DCP1B: variants seen among roughly 807,000 people sequenced by gnomAD.
DCP1B encodes decapping mRNA 1B, also known as mRNA-decapping enzyme 1B.
DCP1B carries 47 observed loss-of-function variants against 60.5 expected under a neutral mutation model. The ratio of observed to expected loss-of-function variants is 0.78; its 90% CI spans 0.61 to 0.99. The LOEUF (loss-of-function observed/expected upper bound fraction) is 0.99, where lower values mean the gene tolerates loss of function less well. Ranked by LOEUF, DCP1B falls within the 50% of genes least tolerant of loss-of-function variation. The pLI, the probability that DCP1B is intolerant of heterozygous loss-of-function variation, is 0.00. For missense variants in DCP1B, 725 were observed against 756.8 expected, an observed-to-expected ratio of 0.96 and a Z score of 0.49; for synonymous variants, 267 against 280.3, an observed-to-expected ratio of 0.95 and a Z score of 0.47.
intron 2 of DCP1B, 134 bp downstream of exon 2, chr12:1,997,801 T>C (rs2041293099): frequency 1.3e-6 from 1 of 753,830 alleles, no homozygotes; most frequent in African/African-American, 1.8e-5. Flanking sequence ...TGTCAACTAA[T>C]AATTTCAAAA....
At position 1,952,858 on chromosome 12, in the gene DCP1B, C is replaced by T; in HGVS notation, c.1082G>A (p.Ser361Asn). ...ACACTTGTTTGCTGCCCCTGGGGTA[C>T]TCTGAAGTTTCTCGAACAGGTTCTG... ...RTQNLFEKLQ[S>N]TPGAANKCDP... is the part of the protein sequence containing the mutation. Residue 361 changes from serine to asparagine, a missense_variant, in exon 7 of 9, where the codon AGT becomes AAT. Ser to Asn is a conservative substitution (Grantham distance 46, BLOSUM62 1). Transcript: ENST00000280665. 1 of 1,614,184 alleles carries T rather than the reference C, an allele frequency of 6.2e-7. No individual in the cohort carries two copies. Among genetic ancestry groups the T allele is most frequent in the Non-Finnish European group, 8.5e-7 (1 of 1,180,034 alleles).
chr12:1,965,988 T>TA (rs2031281534), intron 4 of DCP1B: 1 of 286,798 alleles, frequency 3.5e-6, no homozygotes, highest in South Asian at 6.2e-5. Flanking sequence ...CTCCTTTGTT[T>TA]ACATGTTGTT....
intron 3 of DCP1B, among the ~76,000 whole-genome samples, chr12:1,969,647 T>C (rs2031738053): frequency 6.6e-6 from 1 of 151,448 alleles, no homozygotes; most frequent in Non-Finnish European, 1.5e-5. Context: ...GATCATTGAA[T>C]GTGTATCTTG....
rs887635540 is a variant in DCP1B, at chr12:1,962,899, C to T, written c.522+2659G>A. The stretch of plus-strand genomic sequence containing the variant: ...GTACTCAAGAAGCTCACAGTCAAGG[C>T]AAAGCATGTTAAAGAAACTTGTCTA... On this transcript the variant is annotated intron_variant, in intron 5 of 8. Coordinates refer to ENST00000280665, the MANE Select transcript of DCP1B (RefSeq NM_152640.5). This position sits in a 1 kb window ranked among gnomAD's most constrained non-coding sequence, Gnocchi z 4.4. Among the ~76,000 whole-genome samples the T allele has an allele frequency of 2.6e-5, 4 of 152,184 alleles. No homozygotes were observed. Among genetic ancestry groups the T allele is most frequent in the Non-Finnish European group, 5.9e-5 (4 of 68,034 alleles).
chr12:1,977,847 C>T (rs576260709), intron 3 of DCP1B, among the ~76,000 whole-genome samples: 3 of 152,234 alleles, frequency 2.0e-5, no homozygotes, highest in Admixed American at 2.0e-4. Context: ...TGGGTATATA[C>T]AGGTACACTT....
intron 4 of DCP1B, among the ~76,000 whole-genome samples, chr12:1,967,595 A>T (rs148666085): frequency 4.6e-5 from 7 of 152,378 alleles, no homozygotes; most frequent in Admixed American, 3.9e-4. Flanking sequence ...CATCTGGAAC[A>T]ATTCATATAT....
rs12366352 is a variant in DCP1B at position 1,968,227 on chromosome 12, C to T, written c.320-317G>A. Among the ~76,000 whole-genome samples, 1,407 of 152,028 alleles carry T rather than the reference C, an allele frequency of 9.3e-3. 14 individuals carry two copies. The highest frequency in any genetic ancestry group is 0.014 in the Non-Finnish European group (924 of 67,978). ...ATTAGCCAGGCCTGGTGGCGGGCGT[C>T]CATAATCCCAGCTACTCGGGATGCA... On this transcript the variant is annotated intron_variant, in intron 3 of 8. Transcript: ENST00000280665.
In DCP1B at chr12:1,962,379, G is replaced by A. The variant is rs1255223593; in HGVS notation, c.522+3179C>T. 6.6e-6 allele frequency among the ~76,000 whole-genome samples: 1 copy of A among 152,120 alleles called. No homozygotes were observed. The highest frequency in any genetic ancestry group is 2.4e-5 in the African/African-American group (1 of 41,402). ...CCCCAGCCAGAAAGGATTTTAAGAT[G>A]TCAAAACATTATAACATATAGAAGA... On this transcript the variant is annotated intron_variant, in intron 5 of 8. Transcript: ENST00000280665. The surrounding 1 kb of genome is among the most constrained non-coding windows in gnomAD (Gnocchi z 4.4).
At chr12:1,997,299 C>T (rs757147699) in intron 2 of DCP1B, among the ~76,000 whole-genome samples, 11 of 152,110 alleles carry the variant, frequency 7.2e-5, no homozygotes, top group Non-Finnish European at 1.3e-4. Context: ...GAGGCCAAGG[C>T]GGGTGGATCA....
rs555679240 is a variant in DCP1B, at chr12:1,954,807, A to G, written c.651+625T>C. 4.1e-4 allele frequency among the ~76,000 whole-genome samples: 62 copies of G among 152,230 alleles called. 1 individual carries two copies. Among genetic ancestry groups the G allele is most frequent in the South Asian group, 1.5e-3 (7 of 4,818 alleles). On this transcript the variant is annotated intron_variant, in intron 6 of 8. Coordinates refer to ENST00000280665, the MANE Select transcript of DCP1B (RefSeq NM_152640.5). ...CCCACCCCAGAAGAATATGGACCCA[A>G]TGGGTAATGTTTCTGTCATCTCTGA...
chr12:1,992,858 C>T (rs544017654), intron 3 of DCP1B: 77 of 406,500 alleles, frequency 1.9e-4, no homozygotes, highest in Middle Eastern at 6.6e-4. Context: ...TCAGCTCACT[C>T]GGCCAAAAGT....
chr12:1,949,196 C>A lies in DCP1B; in HGVS notation c.1663G>T (p.Ala555Ser), dbSNP rs200553703. 1 of 1,614,162 alleles carries A rather than the reference C, an allele frequency of 6.2e-7. No homozygotes were observed. Among genetic ancestry groups the A allele is most frequent in the South Asian group, 1.1e-5 (1 of 91,082 alleles). ...GGCAGGAGGAGGCTGGTGGCAGCAG[C>A]AGGTGGCTCCTGGCCTCCCACAGGC... ...LLPVGGQEPP[A>S]AATSLLLPIQ... The change falls in exon 8 of 9, where the codon GCT becomes TCT. Residue 555 changes from alanine to serine, a missense_variant. Transcript: ENST00000280665.
Position 1,955,451 on chromosome 12 carries a change from C to A in DCP1B, c.632G>T (p.Arg211Leu), listed in dbSNP as rs757412613. The part of the protein sequence containing the change: ...PVKPSENQQQ[R>L]IPQPNQTLDP... The stretch of plus-strand genomic sequence containing the variant: ...CCGTACCTGGTTGGGCTGAGGTATA[C>A]GCTGTTGCTGGTTTTCACTGGGTTT... Residue 211 changes from arginine to leucine, a missense_variant, in exon 6 of 9, where the codon CGT (arginine) becomes CTT (leucine). Transcript: ENST00000280665. The A allele has an allele frequency of 2.5e-6, 4 of 1,613,478 alleles. No individual in the cohort carries two copies. Among genetic ancestry groups the A allele is most frequent in the Non-Finnish European group, 2.5e-6 (3 of 1,179,600 alleles).
chr12:2,001,756 A>C (rs1306588166), intron 1 of DCP1B, among the ~76,000 whole-genome samples: 1 of 152,202 alleles, frequency 6.6e-6, no homozygotes, highest in Non-Finnish European at 1.5e-5. Flanking sequence ...AAACTTAGAA[A>C]ACCACTAGCT....
chr12:2,002,200 T>G (rs1000903253), intron 1 of DCP1B, among the ~76,000 whole-genome samples: 1 of 152,204 alleles, frequency 6.6e-6, no homozygotes, highest in Non-Finnish European at 1.5e-5. Context: ...TTCCCCTCCT[T>G]AAGATCCCCC....
intron 8 of DCP1B, 117 bp from the exon 9 acceptor site, chr12:1,946,403 C>T (rs1370381521): frequency 8.6e-6 from 6 of 698,816 alleles, no homozygotes; most frequent in Non-Finnish European, 1.3e-5. Flanking sequence ...CTCTCCCTGT[C>T]TAACAGCTGG....
chr12:1,975,354 C>T (rs1230722557), intron 3 of DCP1B, among the ~76,000 whole-genome samples: 1 of 138,044 alleles, frequency 7.2e-6, no homozygotes, highest in African/African-American at 2.6e-5. Context: ...GTGGGTTAAG[C>T]AGTAAATTTA....
chr12:1,979,733 C>T (rs2035566342), intron 3 of DCP1B, among the ~76,000 whole-genome samples: 4 of 152,234 alleles, frequency 2.6e-5, no homozygotes, highest in Admixed American at 2.6e-4. Flanking sequence ...TACTCTTTCA[C>T]AAGCAATGTA....
chr12:1,953,320 TACAA>T (rs2030761127), intron 6 of DCP1B, 32 bp from the exon 7 acceptor site: 1 of 1,525,724 alleles, frequency 6.6e-7, no homozygotes, highest in African/African-American at 1.4e-5. Context: ...GACATGAGTC[TACAA>T]ACAATTTGGT....
Sources: allele counts gnomAD v4.1 joint callset (sites outside exome capture counted in the v4.1 genomes callset), GRCh38; gene constraint gnomAD v4.1.1; non-coding constraint Gnocchi (gnomAD v3.1); transcripts MANE v1.5; gene names NCBI Gene and HGNC (gene_info 2026-07-23, HGNC 2026-07-21).